The following MMRN1 variants were observed in gnomAD, a reference collection of about 807,000 sequenced individuals.
MMRN1 encodes multimerin 1, also known as multimerin-1.
In MMRN1, 94 loss-of-function variants were observed where a neutral mutation model predicts 100.7. The ratio of observed to expected loss-of-function variants is 0.93; its 90% CI spans 0.79 to 1.11. MMRN1 has a LOEUF of 1.11. MMRN1 is among the 50% of genes least tolerant of loss of function. The pLI is 0.00. For missense variants in MMRN1, 1,606 were observed against 1,439.1 expected (o/e 1.12, Z -1.88); for synonymous variants, 575 against 505.0 (o/e 1.14, Z -1.86).
upstream of MMRN1, among the ~76,000 whole-genome samples, chr4:89,892,228 A>G (rs913877337): frequency 6.6e-6 from 1 of 151,862 alleles, no homozygotes; most frequent in Middle Eastern, 3.2e-3. Flanking sequence ...TTTATCTTAT[A>G]AAATATTCAT....
chr4:89,884,972 A>G (rs1387055748), intron 1 of MMRN1, among the ~76,000 whole-genome samples: 1 of 152,122 alleles, frequency 6.6e-6, no homozygotes, highest in African/African-American at 2.4e-5. Flanking sequence ...AAGCATTCAA[A>G]GTTTCATAAT....
intron 1 of MMRN1, among the ~76,000 whole-genome samples, chr4:89,900,056 G>C (rs1048632738): frequency 2.6e-5 from 4 of 151,998 alleles, no homozygotes; most frequent in Non-Finnish European, 5.9e-5. Context: ...TGAATTTTTA[G>C]ATTTGTCTTT....
In MMRN1 at chr4:89,935,490, A is replaced by G. The variant is rs771781684; in HGVS notation, c.1810A>G (p.Lys604Glu). The change falls in exon 6 of 8, where the codon AAA (lysine) becomes GAA (glutamate). Residue 604 changes from lysine to glutamate, a missense_variant. Physicochemically the swap from Lys to Glu is moderately conservative, Grantham distance 56 (BLOSUM62 1). Transcript: ENST00000264790. Reference protein sequence around the residue: ...DMLSKCRNDFKFQLKDTEENL... With the variant: ...DMLSKCRNDFEFQLKDTEENL... The stretch of plus-strand genomic sequence containing the variant: ...GTTATCCAAATGCAGAAATGATTTT[A>G]AATTTCAACTTAAGGACACAGAAGA... 2 of 1,613,534 alleles carry G rather than the reference A, an allele frequency of 1.2e-6. No individual in the cohort carries two copies. Among genetic ancestry groups the G allele is most frequent in the Non-Finnish European group, 1.7e-6 (2 of 1,179,766 alleles).
intron 1 of MMRN1, among the ~76,000 whole-genome samples, chr4:89,886,828 T>G: frequency 6.6e-6 from 1 of 152,176 alleles, no homozygotes; most frequent in East Asian, 1.9e-4. Flanking sequence ...ATTGATCACC[T>G]GAAATGTTTA....
In MMRN1 at chr4:89,953,647, C is replaced by G. The variant is rs1407062724; in HGVS notation, c.*229C>G. 2.7e-6 allele frequency: 1 copy of G among 375,466 alleles called. No individual in the cohort carries two copies. Among genetic ancestry groups the G allele is most frequent in the East Asian group, 4.2e-5 (1 of 24,078 alleles). The allele number at this position is 375,466 out of a possible 1,614,324, so 23.3% of individuals were successfully genotyped here. A position where few individuals can be genotyped will look rare whatever the true frequency, so the allele number is the denominator to read the frequency against. On this transcript the variant is annotated 3_prime_UTR_variant, in exon 8 of 8. Coordinates refer to ENST00000264790, the MANE Select transcript of MMRN1 (RefSeq NM_007351.3). ...TAAAGAAATTTAGTGGCACAGAAAA[C>G]AAAGTGAATTTGTTAGCATAATTAT...
chr4:89,945,016 T>C (rs754632366), intron 6 of MMRN1, among the ~76,000 whole-genome samples: 1 of 152,176 alleles, frequency 6.6e-6, no homozygotes, highest in Non-Finnish European at 1.5e-5. Context: ...TAGTCAAACC[T>C]GTTCCTACTA....
At chr4:89,909,503 G>A in intron 2 of MMRN1, 108 bp downstream of exon 2, 1 of 1,359,148 alleles carries the variant, frequency 7.4e-7, no homozygotes. Flanking sequence ...GTAGGGTCAG[G>A]GGATGGTAGT....
intron 5 of MMRN1, among the ~76,000 whole-genome samples, chr4:89,934,075 C>A (rs1722527503): frequency 6.6e-6 from 1 of 151,584 alleles, no homozygotes; most frequent in African/African-American, 2.4e-5. Context: ...TTATGATTAA[C>A]CAATGTTTTC....
Position 89,951,691 on chromosome 4 carries a change from C to T in MMRN1, c.3205C>T (p.His1069Tyr), listed in dbSNP as rs1723184296. Residue 1069 changes from histidine to tyrosine, a missense_variant, in exon 7 of 8, where the codon CAT becomes TAT. His to Tyr is a moderately conservative substitution (Grantham distance 83, BLOSUM62 2). Coordinates refer to ENST00000264790, the MANE Select transcript of MMRN1 (RefSeq NM_007351.3). ...GRTSFTCACRHPFTGDNCTIK... is the reference protein window; with the variant it reads ...GRTSFTCACRYPFTGDNCTIK... ...AACTAGCTTTACCTGTGCCTGCAGA[C>T]ATCCTTTTACTGGTGACAACTGCAC... 6.2e-7 allele frequency: 1 copy of T among 1,603,210 alleles called. No individual in the cohort carries two copies. Among genetic ancestry groups the T allele is most frequent in the African/African-American group, 1.4e-5 (1 of 73,898 alleles).
chr4:89,936,131 GT>G lies in MMRN1; in HGVS notation c.2452del (p.Ser818ProfsTer17), dbSNP rs1560595243. The G allele has an allele frequency of 6.2e-7, 1 of 1,612,452 alleles. No homozygotes were observed. The highest frequency in any genetic ancestry group is 1.1e-5 in the South Asian group (1 of 90,922). ...TTCCCAGAGATGAGAAACTAAATCA[GT>G]CCAACTTCCAAAAGATGTATCAAAT... ...GIPRDEKLNQSNFQKMYQMFN... is the reference protein window; with the variant it reads ...GIPRDEKLNQXNFQKMYQMFN... On this transcript the variant is annotated frameshift_variant, in exon 6 of 8. Transcript: ENST00000264790. LOFTEE classifies it high-confidence loss of function.
At chr4:89,933,250 A>G (rs1172975021) in intron 5 of MMRN1, among the ~76,000 whole-genome samples, 4 of 152,114 alleles carry the variant, frequency 2.6e-5, no homozygotes, top group Non-Finnish European at 5.9e-5. Flanking sequence ...CCTCATCTCC[A>G]TCTGAGACCA....
rs376666217 is a variant in MMRN1, at chr4:89,935,208, C to T, written c.1528C>T (p.Leu510Phe). Reference sequence around the variant, plus strand: ...GTATTATGAATCCCTCAATAAAACTCTTTCTAAATTGAAGGAAGTACATGA... The same window carrying T: ...GTATTATGAATCCCTCAATAAAACTTTTTCTAAATTGAAGGAAGTACATGA... ...ILYYESLNKT[L>F]SKLKEVHEQL... The change falls in exon 6 of 8, where the codon CTT becomes TTT. Residue 510 changes from leucine to phenylalanine, a missense_variant. By Grantham distance (22) the Leu-to-Phe change is conservative. Coordinates refer to ENST00000264790, the MANE Select transcript of MMRN1 (RefSeq NM_007351.3). The T allele has an allele frequency of 1.2e-6, 2 of 1,613,372 alleles. No individual in the cohort carries two copies. The highest frequency in any genetic ancestry group is 2.2e-5 in the South Asian group (2 of 90,938).
intron 3 of MMRN1, among the ~76,000 whole-genome samples, chr4:89,915,204 T>C (rs1485222381): frequency 6.6e-6 from 1 of 151,638 alleles, no homozygotes; most frequent in Non-Finnish European, 1.5e-5. Flanking sequence ...CCCTGTAGTT[T>C]TGCATATCTA....
intron 1 of MMRN1, among the ~76,000 whole-genome samples, chr4:89,884,478 T>G (rs1265557421): frequency 1.3e-5 from 2 of 152,186 alleles, no homozygotes; most frequent in African/African-American, 4.8e-5. Context: ...TGAATTGCTG[T>G]TCCCATTGCT....
At chr4:89,928,600 T>A (rs1722339854) in intron 5 of MMRN1, among the ~76,000 whole-genome samples, 1 of 152,174 alleles carries the variant, frequency 6.6e-6, no homozygotes, top group South Asian at 2.1e-4. Context: ...GCTGGCAGAA[T>A]TCATTTTCTT....
At chr4:89,930,459 T>C (rs2110625695) in intron 5 of MMRN1, among the ~76,000 whole-genome samples, 1 of 152,252 alleles carries the variant, frequency 6.6e-6, no homozygotes. Context: ...TTTAGGCATG[T>C]AGTTTTTTGT....
intron 6 of MMRN1, among the ~76,000 whole-genome samples, chr4:89,937,761 G>T (rs890050172): frequency 2.0e-5 from 3 of 152,068 alleles, no homozygotes; most frequent in Non-Finnish European, 4.4e-5. Flanking sequence ...AGAAGAGAGA[G>T]ATCTAGACTT....
In MMRN1 at chr4:89,954,231, C is replaced by T. The variant is rs538876193; in HGVS notation, c.*813C>T. On this transcript the variant is annotated 3_prime_UTR_variant, in exon 8 of 8. Transcript: ENST00000264790. ...CAATTTATGGGATGCTCACTATGCC[C>T]TGTTTCTCTTCTAAACAATTTACAT... The T allele has an allele frequency of 1.3e-5, 2 of 152,276 alleles. No individual in the cohort carries two copies. The highest frequency in any genetic ancestry group is 3.9e-4 in the East Asian group (2 of 5,186). The allele number at this position is 152,276 out of a possible 1,614,324, so 9.4% of individuals were successfully genotyped here. A position where few individuals can be genotyped will look rare whatever the true frequency, so the allele number is the denominator to read the frequency against.
chr4:89,911,078 T>C (rs1246059453), intron 2 of MMRN1, among the ~76,000 whole-genome samples: 1 of 151,372 alleles, frequency 6.6e-6, no homozygotes, highest in East Asian at 1.9e-4. Context: ...GAAATGAGGA[T>C]AATAATAATG....
Sources: allele counts gnomAD v4.1 joint callset (sites outside exome capture counted in the v4.1 genomes callset), GRCh38; gene constraint gnomAD v4.1.1; transcripts MANE v1.5; gene names NCBI Gene and HGNC (gene_info 2026-07-23, HGNC 2026-07-21).